DCDC1: variants seen among roughly 807,000 people sequenced by gnomAD.
DCDC1 encodes the protein doublecortin domain-containing protein 1.
In DCDC1, 200 loss-of-function variants were observed where a neutral mutation model predicts 178.3. The ratio of observed to expected loss-of-function variants is 1.12; its 90% CI spans 1.00 to 1.26. DCDC1 has a LOEUF of 1.26. Among genes scored for constraint, DCDC1 ranks in the 50% most tolerant of loss-of-function variants. The pLI is 0.00. For missense variants in DCDC1, 1,983 were observed against 1,749.2 expected (o/e 1.13, Z -2.38); for synonymous variants, 690 against 604.8 (o/e 1.14, Z -2.07).
chr11:31,051,517 T>C (rs1230045699), intron 20 of DCDC1, among the ~76,000 whole-genome samples: 2 of 152,126 alleles, frequency 1.3e-5, no homozygotes, highest in African/African-American at 2.4e-5. Context: ...CCCAGGCACA[T>C]TGTCATCAGG....
intron 17 of DCDC1, among the ~76,000 whole-genome samples, chr11:31,082,488 C>G (rs1213301170): frequency 1.3e-5 from 2 of 151,776 alleles, no homozygotes. Flanking sequence ...GTAGTGTAAC[C>G]CTATTAAGCA....
At chr11:31,037,187 C>T (rs937484674) in intron 20 of DCDC1, among the ~76,000 whole-genome samples, 5 of 152,102 alleles carry the variant, frequency 3.3e-5, no homozygotes, top group African/African-American at 1.2e-4. Context: ...GCCAGTGTTG[C>T]AGTAGGATTA....
At chr11:31,148,640 C>G (rs1389055576) in intron 9 of DCDC1, among the ~76,000 whole-genome samples, 1 of 150,898 alleles carries the variant, frequency 6.6e-6, no homozygotes, top group Non-Finnish European at 1.5e-5. Context: ...GGTTGTTATG[C>G]TTTGGTTTGC....
At chr11:31,096,934 C>T (rs938595662) in intron 15 of DCDC1, among the ~76,000 whole-genome samples, 16 of 152,084 alleles carry the variant, frequency 1.1e-4, no homozygotes, top group South Asian at 2.1e-4. Context: ...TGTGTGTGCG[C>T]GCGCCCGTGT....
chr11:31,119,804 C>A (rs1178133868), intron 11 of DCDC1, among the ~76,000 whole-genome samples: 1 of 152,050 alleles, frequency 6.6e-6, no homozygotes, highest in East Asian at 1.9e-4. Flanking sequence ...TGTTACCAAC[C>A]AAATTAGCCC....
intron 28 of DCDC1, among the ~76,000 whole-genome samples, chr11:30,909,965 C>T (rs1435573616): frequency 6.6e-6 from 1 of 152,018 alleles, no homozygotes; most frequent in African/African-American, 2.4e-5. Flanking sequence ...CTTTACCAAG[C>T]GAGAGCTTAA....
Position 31,230,202 on chromosome 11 carries a change from T to C in DCDC1, c.1221+11248A>G, listed in dbSNP as rs553250775. ...CACAAAAATCGGTTGCATTTCTATA[T>C]ACTAAGAATGAGAAATCAAAAAGGA... On this transcript the variant is annotated intron_variant, in intron 9 of 38. Transcript: ENST00000684477. 2.6e-5 allele frequency among the ~76,000 whole-genome samples: 4 copies of C among 152,180 alleles called. No homozygotes were observed. The South Asian group carries it at 8.3e-4, about 32-fold the overall frequency.
chr11:31,102,803 C>T (rs1053819547), intron 14 of DCDC1, among the ~76,000 whole-genome samples: 1 of 152,122 alleles, frequency 6.6e-6, no homozygotes. Flanking sequence ...ATTTCAAATG[C>T]TCAGTAGTCA....
chr11:31,099,343 G>A (rs1958350226), intron 15 of DCDC1, among the ~76,000 whole-genome samples: 1 of 152,186 alleles, frequency 6.6e-6, no homozygotes, highest in South Asian at 2.1e-4. Context: ...TTCCTAATAT[G>A]AAGATCAGAT....
At chr11:31,231,016 G>A (rs1975706491) in intron 9 of DCDC1, among the ~76,000 whole-genome samples, 1 of 151,936 alleles carries the variant, frequency 6.6e-6, no homozygotes, top group African/African-American at 2.4e-5. Flanking sequence ...CTGGAATGCA[G>A]TGGCACAATC....
chr11:30,968,487 T>C (rs1026105361), intron 20 of DCDC1, among the ~76,000 whole-genome samples: 2 of 151,812 alleles, frequency 1.3e-5, no homozygotes, highest in African/African-American at 4.8e-5. Flanking sequence ...AGAGACCACA[T>C]TCACATAACC....
At chr11:31,324,915 G>T (rs570256098) in intron 3 of DCDC1, among the ~76,000 whole-genome samples, 3 of 152,152 alleles carry the variant, frequency 2.0e-5, no homozygotes, top group South Asian at 2.1e-4. Context: ...AAAATGGTTA[G>T]TATTTACTTT....
At chr11:31,051,420 A>T (rs748726578) in intron 20 of DCDC1, among the ~76,000 whole-genome samples, 6 of 152,340 alleles carry the variant, frequency 3.9e-5, no homozygotes, top group Non-Finnish European at 7.4e-5. Context: ...AATCAAGGAA[A>T]ACTTCCCCAG....
chr11:30,954,079 G>C (rs1848393), intron 20 of DCDC1, among the ~76,000 whole-genome samples: 9 of 141,960 alleles, frequency 6.3e-5, no homozygotes, highest in Non-Finnish European at 1.2e-4. Context: ...TGGCTCGATC[G>C]ATCTCGGCTC....
chr11:31,019,036 T>C (rs1952686294), intron 20 of DCDC1, among the ~76,000 whole-genome samples: 1 of 152,148 alleles, frequency 6.6e-6, no homozygotes, highest in Non-Finnish European at 1.5e-5. Flanking sequence ...GGGAAAATCA[T>C]GGATTTTCTA....
intron 20 of DCDC1, among the ~76,000 whole-genome samples, chr11:31,010,371 T>C (rs1952100463): frequency 6.6e-6 from 1 of 152,202 alleles, no homozygotes; most frequent in Admixed American, 6.5e-5. Context: ...GCTGCATGAC[T>C]GAGGACTTTG....
chr11:31,160,566 A>C (rs1480501000), intron 9 of DCDC1, among the ~76,000 whole-genome samples: 1 of 151,968 alleles, frequency 6.6e-6, no homozygotes, highest in Admixed American at 6.6e-5. Flanking sequence ...AGTACTCCTG[A>C]TTTTCTAGAG....
At chr11:31,098,538 C>T (rs1005354487) in intron 15 of DCDC1, among the ~76,000 whole-genome samples, 1 of 152,210 alleles carries the variant, frequency 6.6e-6, no homozygotes, top group Non-Finnish European at 1.5e-5. Context: ...GGGCTAGGCA[C>T]TGATATCTCT....
chr11:31,357,158 C>T (rs958492768), intron 1 of DCDC1, among the ~76,000 whole-genome samples: 6 of 152,124 alleles, frequency 3.9e-5, no homozygotes, highest in African/African-American at 9.7e-5. Flanking sequence ...AGACCAATAT[C>T]CCTGATGAAC....
Sources: gnomAD v4.1 joint callset for allele counts (sites outside exome capture counted in the v4.1 genomes callset) on GRCh38, gnomAD v4.1.1 for gene constraint, MANE v1.5 for transcripts, NCBI Gene and HGNC (gene_info 2026-07-23, HGNC 2026-07-21) for gene names.